The following MYH9 variants were observed in gnomAD, a reference collection of about 807,000 sequenced individuals.
MYH9 encodes the protein myosin heavy chain 9.
MYH9 carries 29 observed loss-of-function variants against 241.9 expected under a neutral mutation model. The observed-to-expected ratio is 0.12, with a 90% CI of 0.09 to 0.16. MYH9 has a LOEUF of 0.16. MYH9 is among the 10% of genes least tolerant of loss of function. The pLI, the probability that MYH9 is intolerant of heterozygous loss-of-function variation, is 1.00. For synonymous variants in MYH9, 1,047 were observed against 1,062.6 expected (o/e 0.99, Z 0.29); for missense variants, 1,803 against 2,595.5 (o/e 0.69, Z 6.63).
At chr22:36,307,964 T>C (rs2016999181) in intron 15 of MYH9, among the ~76,000 whole-genome samples, 1 of 152,078 alleles carries the variant, frequency 6.6e-6, no homozygotes, top group Non-Finnish European at 1.5e-5. Flanking sequence ...TACCACAGGT[T>C]TCCTGGGCGT....
At position 36,321,837 on chromosome 22, in the gene MYH9, T is replaced by C. The variant is rs781718522; in HGVS notation, c.706-16A>G. Reference sequence around the variant, plus strand: ...TGAATTTGCCCTAAGTAAGAAAGGATAGCAAGAGATCAGAGGTGCCCCTGA... The same window carrying C: ...TGAATTTGCCCTAAGTAAGAAAGGACAGCAAGAGATCAGAGGTGCCCCTGA... On this transcript the variant is annotated splice_polypyrimidine_tract_variant and intron_variant, in intron 6 of 40. Coordinates refer to ENST00000216181, the MANE Select transcript of MYH9 (RefSeq NM_002473.6). 15 of 1,611,580 alleles carry C rather than the reference T, an allele frequency of 9.3e-6. No homozygotes were observed. The highest frequency in any genetic ancestry group is 4.5e-5 in the East Asian group (2 of 44,860).
intron 1 of MYH9, among the ~76,000 whole-genome samples, chr22:36,365,568 C>A (rs2017998514): frequency 6.6e-6 from 1 of 152,042 alleles, no homozygotes; most frequent in South Asian, 2.1e-4. Context: ...TCAAGCAATT[C>A]TCCTGCCTCA....
chr22:36,283,759 C>T (rs2016532284), intron 40 of MYH9, among the ~76,000 whole-genome samples: 1 of 152,222 alleles, frequency 6.6e-6, no homozygotes, highest in Admixed American at 6.5e-5. Flanking sequence ...TTTTTAACCT[C>T]TGTAGGCATT....
intron 5 of MYH9, among the ~76,000 whole-genome samples, chr22:36,325,639 G>A (rs1483615659): frequency 2.0e-5 from 3 of 152,250 alleles, no homozygotes; most frequent in Non-Finnish European, 4.4e-5. Context: ...TCTGCATCTG[G>A]TCTGGACCAC....
intron 1 of MYH9, among the ~76,000 whole-genome samples, chr22:36,370,292 G>A (rs1002643425): frequency 6.6e-6 from 1 of 152,162 alleles, no homozygotes; most frequent in African/African-American, 2.4e-5. Flanking sequence ...ATGCTGGTGA[G>A]GCTCAGAAGC....
intron 7 of MYH9, among the ~76,000 whole-genome samples, chr22:36,321,193 C>T (rs1036390389): frequency 4.6e-5 from 7 of 152,302 alleles, no homozygotes; most frequent in Admixed American, 4.6e-4. Flanking sequence ...GATCCACCCA[C>T]CTTAGCTTCC....
chr22:36,347,240 G>A (rs1288437096), intron 2 of MYH9, among the ~76,000 whole-genome samples: 2 of 151,846 alleles, frequency 1.3e-5, no homozygotes, highest in Admixed American at 6.6e-5. Flanking sequence ...AGAAAATGAC[G>A]CCCCTGATCT....
At chr22:36,292,308 C>G in intron 30 of MYH9, 74 bp from the exon 31 acceptor site, 2 of 1,598,276 alleles carry the variant, frequency 1.3e-6, no homozygotes, top group Non-Finnish European at 1.7e-6. Context: ...CCTGGGGCAG[C>G]TGGGAGCCTG....
At chr22:36,386,239 G>C (rs2018348683) in intron 1 of MYH9, among the ~76,000 whole-genome samples, 1 of 152,094 alleles carries the variant, frequency 6.6e-6, no homozygotes, top group African/African-American at 2.4e-5. Flanking sequence ...CCATGGGCAC[G>C]GGCCAGGTCT....
chr22:36,362,873 G>C (rs966060406), intron 1 of MYH9, among the ~76,000 whole-genome samples: 7 of 152,130 alleles, frequency 4.6e-5, no homozygotes, highest in Non-Finnish European at 2.9e-5. Context: ...CAGAATGATA[G>C]CCCGCCCAGC....
At chr22:36,301,161 T>C (rs1451422418) in intron 21 of MYH9, 104 bp from the exon 22 acceptor site, 9 of 1,146,516 alleles carry the variant, frequency 7.8e-6, no homozygotes, top group Non-Finnish European at 1.0e-5. Flanking sequence ...GAAAGGAACA[T>C]GCAGACAAAA....
intron 34 of MYH9, among the ~76,000 whole-genome samples, chr22:36,287,684 G>A (rs2016610243): frequency 6.6e-6 from 1 of 152,236 alleles, no homozygotes; most frequent in Non-Finnish European, 1.5e-5. Context: ...GGAGCTTGCA[G>A]CAAGCCGAGA....
intron 15 of MYH9, 47 bp downstream of exon 15, chr22:36,309,235 C>T (rs1205806273): frequency 1.3e-6 from 2 of 1,523,754 alleles, no homozygotes; most frequent in Admixed American, 1.7e-5. Flanking sequence ...GGGAAGATGA[C>T]CAGCCGCAGC....
rs1049373789 is a variant in MYH9 at position 36,285,469 on chromosome 22, T to C, written c.5275-140A>G. The C allele has an allele frequency of 2.4e-5, 32 of 1,306,580 alleles. No individual in the cohort carries two copies. In the African/African-American group the frequency reaches 4.4e-4, roughly 18 times the overall value. 80.9% of individuals were successfully genotyped at this position (1,306,580 alleles called of 1,614,324 possible). On this transcript the variant is annotated intron_variant, in intron 37 of 40. Transcript: ENST00000216181. This position sits in a 1 kb window ranked among gnomAD's most constrained non-coding sequence, Gnocchi z 7.0. ...TTGGGTCTCCCAGAAAAGGGAAGAT[T>C]AGAAACTTCTGAACACCCAACACAG...
intron 25 of MYH9, among the ~76,000 whole-genome samples, chr22:36,296,160 G>GT (rs1203244649): frequency 6.6e-6 from 1 of 152,182 alleles, no homozygotes; most frequent in East Asian, 1.9e-4. Flanking sequence ...GAGGCGGTGC[G>GT]TGAGTGGGGC....
chr22:36,288,946 C>G lies in MYH9; in HGVS notation c.4558-7G>C, dbSNP rs1320279199. 2 of 1,613,646 alleles carry G rather than the reference C, an allele frequency of 1.2e-6. No individual in the cohort carries two copies. The highest frequency in any genetic ancestry group is 2.7e-5 in the African/African-American group (2 of 74,916). On this transcript the variant is annotated splice_polypyrimidine_tract_variant and splice_region_variant and intron_variant, in intron 32 of 40. Transcript: ENST00000216181. This position sits in a 1 kb window ranked among gnomAD's most constrained non-coding sequence, Gnocchi z 4.8. ...ACTTCTCCAGCTCGTGGACCTGAGC[C>G]CCAGAGAGCCCAAGTCAGGAGCAAA...
At chr22:36,296,815 G>A in intron 25 of MYH9, 28 bp downstream of exon 25, 1 of 1,588,398 alleles carries the variant, frequency 6.3e-7, no homozygotes, top group African/African-American at 1.3e-5. Context: ...AGGCCACCTG[G>A]CCTCAGGCGG....
chr22:36,288,441 G>A lies in MYH9; in HGVS notation c.4771-28C>T, dbSNP rs746651358. The A allele has an allele frequency of 6.2e-7, 1 of 1,604,404 alleles. No individual in the cohort carries two copies. The highest frequency in any genetic ancestry group is 2.2e-5 in the East Asian group (1 of 44,860). ...GGGGGAAGGAACATCAACAACTTGGGAAGCTGGACCCACTGGGAGACCCTG... is the reference window on the plus strand; with the variant it reads ...GGGGGAAGGAACATCAACAACTTGGAAAGCTGGACCCACTGGGAGACCCTG... On this transcript the variant is annotated intron_variant, in intron 33 of 40. Coordinates refer to ENST00000216181, the MANE Select transcript of MYH9 (RefSeq NM_002473.6). The surrounding 1 kb of genome is among the most constrained non-coding windows in gnomAD (Gnocchi z 4.8).
chr22:36,352,366 G>A (rs948961128), intron 1 of MYH9, among the ~76,000 whole-genome samples: 13 of 152,160 alleles, frequency 8.5e-5, no homozygotes, highest in Non-Finnish European at 7.3e-5. Context: ...TACTGTCGGC[G>A]CAAGCTTGCA....
Sources: gnomAD v4.1 joint callset for allele counts (sites outside exome capture counted in the v4.1 genomes callset) on GRCh38, gnomAD v4.1.1 for gene constraint, Gnocchi (gnomAD v3.1) non-coding constraint, MANE v1.5 for transcripts, NCBI Gene and HGNC (gene_info 2026-07-23, HGNC 2026-07-21) for gene names.